Variants in EPHA3 observed in about 807,000 individuals in gnomAD.
EPHA3 encodes the protein ephrin type-A receptor 3.
Under a neutral mutation model 107.1 loss-of-function variants are expected in EPHA3, and 42 were observed. The ratio of observed to expected loss-of-function variants is 0.39; its 90% CI spans 0.31 to 0.51. EPHA3 has a LOEUF of 0.51. EPHA3 is among the 20% of genes least tolerant of loss of function. The pLI, the probability that EPHA3 is intolerant of heterozygous loss-of-function variation, is 0.78. For missense variants in EPHA3, 1,183 were observed against 1,211.2 expected (o/e 0.98, Z 0.35); for synonymous variants, 461 against 424.8 (o/e 1.09, Z -1.05).
rs2107420889 is a variant in EPHA3, at chr3:89,341,996, C to A, written c.1212C>A (p.Asn404Lys). 6.2e-7 allele frequency: 1 copy of A among 1,613,158 alleles called. No homozygotes were observed. The highest frequency in any genetic ancestry group is 8.5e-7 in the Non-Finnish European group (1 of 1,179,864). ...VTVTDLLAHT[N>K]YTFEIDAVNG... ...TGACAGACCTTCTGGCACATACTAA[C>A]TACACCTTTGAGATTGATGCCGTTA... The change falls in exon 5 of 17, where the codon AAC becomes AAA. Residue 404 changes from asparagine (N) to lysine (K), a missense_variant. Transcript: ENST00000336596.
At chr3:89,201,365 C>T (rs1483874731) in intron 2 of EPHA3, among the ~76,000 whole-genome samples, 13 of 151,968 alleles carry the variant, frequency 8.6e-5, no homozygotes, top group South Asian at 4.2e-4. Flanking sequence ...ACAGAGCCAA[C>T]GGTTAGAAAA....
chr3:89,288,937 A>T (rs1706150553), intron 3 of EPHA3, among the ~76,000 whole-genome samples: 1 of 152,180 alleles, frequency 6.6e-6, no homozygotes, highest in Non-Finnish European at 1.5e-5. Context: ...TCATATGGAT[A>T]ACAAAATATC....
rs201597924 is a variant in EPHA3, at chr3:89,472,448, GTT to G, written c.2691-9_2691-8del. 6.2e-7 allele frequency: 1 copy of G among 1,601,560 alleles called. No individual in the cohort carries two copies. Among genetic ancestry groups the G allele is most frequent in the African/African-American group, 1.4e-5 (1 of 72,408 alleles). On this transcript the variant is annotated splice_polypyrimidine_tract_variant and intron_variant, in intron 15 of 16. Transcript: ENST00000336596. ...GACTCCTGATCTGTCTCCCTTTGGTGTTTTTTTTCTTGCAGGCCATCAAACCT... is the reference window on the plus strand; with the variant it reads ...GACTCCTGATCTGTCTCCCTTTGGTGTTTTTTCTTGCAGGCCATCAAACCT...
Position 89,434,135 on chromosome 3 carries a change from TA to T in EPHA3, c.2346+2783del, listed in dbSNP as rs540257169. ...TTTAGGTTAAATAAAAACTATTTGA[TA>T]AAAAAATTATTTGAAATGTTAAATT... On this transcript the variant is annotated intron_variant, in intron 13 of 16. Coordinates refer to ENST00000336596, the MANE Select transcript of EPHA3 (RefSeq NM_005233.6). 5.9e-5 allele frequency among the ~76,000 whole-genome samples: 9 copies of T among 152,278 alleles called. No homozygotes were observed. The South Asian group carries it at 1.0e-3, about 18-fold the overall frequency.
chr3:89,206,661 T>G (rs1333712550), intron 2 of EPHA3, among the ~76,000 whole-genome samples: 1 of 152,176 alleles, frequency 6.6e-6, no homozygotes, highest in Non-Finnish European at 1.5e-5. Context: ...ACTGTTTTTT[T>G]ATATTCAACA....
At chr3:89,383,639 C>CTTTTTTTTTTT (rs71621546) in intron 5 of EPHA3, among the ~76,000 whole-genome samples, 2 of 87,962 alleles carry the variant, frequency 2.3e-5, no homozygotes, top group African/African-American at 4.3e-5. Context: ...ACTTCTTCTT[C>CTTTTTTTTTTT]TTTTTTTTTT....
chr3:89,380,344 G>C (rs1708477530), intron 5 of EPHA3, among the ~76,000 whole-genome samples: 1 of 152,158 alleles, frequency 6.6e-6, no homozygotes, highest in South Asian at 2.1e-4. Flanking sequence ...AGCCACAGTT[G>C]AATCCATACA....
chr3:89,367,226 G>C, intron 5 of EPHA3, among the ~76,000 whole-genome samples: 1 of 150,682 alleles, frequency 6.6e-6, no homozygotes, highest in Non-Finnish European at 1.5e-5. Context: ...CTCGCTACAG[G>C]TTCATGCCTT....
chr3:89,315,875 G>T (rs1706886641), intron 3 of EPHA3, among the ~76,000 whole-genome samples: 1 of 151,760 alleles, frequency 6.6e-6, no homozygotes, highest in Non-Finnish European at 1.5e-5. Context: ...TTAGGACCTG[G>T]ATCCCCTGAA....
intron 3 of EPHA3, among the ~76,000 whole-genome samples, chr3:89,303,672 ATTTT>A (rs1278616566): frequency 6.6e-6 from 1 of 152,174 alleles, no homozygotes; most frequent in Non-Finnish European, 1.5e-5. Flanking sequence ...ATCCAGGAGC[ATTTT>A]AAAGAAATAA....
intron 2 of EPHA3, among the ~76,000 whole-genome samples, chr3:89,182,387 T>A (rs1437961705): frequency 6.6e-6 from 1 of 151,694 alleles, no homozygotes; most frequent in Non-Finnish European, 1.5e-5. Context: ...CACTGAAGTT[T>A]AAATACATCA....
chr3:89,166,323 C>A (rs576612737), intron 2 of EPHA3, among the ~76,000 whole-genome samples: 26 of 152,190 alleles, frequency 1.7e-4, no homozygotes, highest in Admixed American at 3.9e-4. Context: ...TGGGCAAGAC[C>A]AAAATATGCC....
chr3:89,211,731 CTTCTTCTTCTCCTTCTTCTTCTTCTT>C (rs1559602883), intron 3 of EPHA3, among the ~76,000 whole-genome samples: 1 of 10,322 alleles, frequency 9.7e-5, no homozygotes. Context: ...TCTTTTTCTT[CTTCTTCTTCTCCTTCTTCTTCTTCTT>C]CTTCTTCTTC....
intron 2 of EPHA3, among the ~76,000 whole-genome samples, chr3:89,209,103 T>C (rs1178259683): frequency 6.6e-6 from 1 of 152,182 alleles, no homozygotes; most frequent in Admixed American, 6.5e-5. Flanking sequence ...GTTTTTACAG[T>C]GATAAAAGTT....
At chr3:89,426,076 G>T (rs900535516) in intron 11 of EPHA3, among the ~76,000 whole-genome samples, 1 of 151,662 alleles carries the variant, frequency 6.6e-6, no homozygotes, top group African/African-American at 2.4e-5. Flanking sequence ...TCATAGAACA[G>T]TACTTTCATT....
chr3:89,133,887 T>G (rs1263648173), intron 2 of EPHA3, among the ~76,000 whole-genome samples: 1 of 152,100 alleles, frequency 6.6e-6, no homozygotes, highest in Non-Finnish European at 1.5e-5. Flanking sequence ...TGGGAAGTGC[T>G]TTGGAGCTTC....
intron 3 of EPHA3, among the ~76,000 whole-genome samples, chr3:89,330,346 G>A (rs1299473873): frequency 1.3e-5 from 2 of 151,938 alleles, no homozygotes; most frequent in Non-Finnish European, 2.9e-5. Flanking sequence ...ACTTTTAAAT[G>A]ATAAACTTCT....
In EPHA3 at chr3:89,481,858, A is replaced by G. The variant is rs1484206566; in HGVS notation, c.*2356A>G. 1 of 231,126 alleles carries G rather than the reference A, an allele frequency of 4.3e-6. No homozygotes were observed. The highest frequency in any genetic ancestry group is 8.6e-6 in the Non-Finnish European group (1 of 116,518). 14.3% of individuals were successfully genotyped at this position (231,126 alleles called of 1,614,324 possible). A position where few individuals can be genotyped will look rare whatever the true frequency, so the allele number is the denominator to read the frequency against. On this transcript the variant is annotated 3_prime_UTR_variant, in exon 17 of 17. Transcript: ENST00000336596. ...AAAGCCACAACTCCTACATGATGTT[A>G]TGTACCATATGATCTGTTTTGTATC...
At chr3:89,418,741 T>C (rs1709298590) in intron 10 of EPHA3, among the ~76,000 whole-genome samples, 1 of 151,456 alleles carries the variant, frequency 6.6e-6, no homozygotes, top group Non-Finnish European at 1.5e-5. Flanking sequence ...ATGCTTTCCT[T>C]CTCATTTTTA....
Sources: gnomAD v4.1 joint callset for allele counts (sites outside exome capture counted in the v4.1 genomes callset) on GRCh38, gnomAD v4.1.1 for gene constraint, MANE v1.5 for transcripts, NCBI Gene and HGNC (gene_info 2026-07-23, HGNC 2026-07-21) for gene names.